Variants in COL25A1 observed in about 807,000 individuals in gnomAD.
COL25A1 encodes collagen type XXV alpha 1 chain.
COL25A1 carries 103 observed loss-of-function variants against 128.4 expected under a neutral mutation model. That is an observed-to-expected ratio of 0.80 (90% confidence interval 0.68 to 0.94). The LOEUF (loss-of-function observed/expected upper bound fraction) is 0.94, where lower values mean the gene tolerates loss of function less well. Ranked by LOEUF, COL25A1 falls within the 40% of genes least tolerant of loss-of-function variation. The pLI is 0.00. For synonymous variants in COL25A1, 279 were observed against 277.2 expected, an observed-to-expected ratio of 1.01 and a Z score of -0.06; for missense variants, 745 against 840.0, an observed-to-expected ratio of 0.89 and a Z score of 1.40.
At chr4:109,074,906 T>C (rs1763261545) in intron 3 of COL25A1, among the ~76,000 whole-genome samples, 2 of 152,120 alleles carry the variant, frequency 1.3e-5, no homozygotes, top group South Asian at 4.1e-4. Flanking sequence ...GACTTAAGAA[T>C]TGGTAACATA....
chr4:109,085,915 G>C (rs1263032534), intron 3 of COL25A1, among the ~76,000 whole-genome samples: 3 of 152,186 alleles, frequency 2.0e-5, no homozygotes, highest in Admixed American at 2.0e-4. Flanking sequence ...ATAAGGATGA[G>C]GTAGAAGTTA....
At chr4:109,240,481 T>C (rs1363491501) in intron 3 of COL25A1, among the ~76,000 whole-genome samples, 2 of 152,066 alleles carry the variant, frequency 1.3e-5, no homozygotes, top group African/African-American at 4.8e-5. Context: ...AGGAACATAC[T>C]TCTCATTAAT....
In COL25A1 at chr4:108,848,093, T is replaced by C. The variant is rs539800098; in HGVS notation, c.1434+666A>G. 1.3e-3 allele frequency among the ~76,000 whole-genome samples: 192 copies of C among 152,298 alleles called. 1 individual carries two copies. The highest frequency in any genetic ancestry group is 2.4e-3 in the Non-Finnish European group (162 of 68,018). On this transcript the variant is annotated intron_variant, in intron 27 of 37. Transcript: ENST00000399132. Reference sequence around the variant, plus strand: ...TCACAGGCCAAATTCATCCCAGGGATTGTTTTTGTACAGAGTGAATTTAAA... The same window carrying C: ...TCACAGGCCAAATTCATCCCAGGGACTGTTTTTGTACAGAGTGAATTTAAA...
intron 5 of COL25A1, among the ~76,000 whole-genome samples, chr4:109,031,661 C>T (rs794140): frequency 0.49 from 75,177 of 151,880 alleles, 20,424 homozygotes; most frequent in African/African-American, 0.71. Flanking sequence ...AAGAAAATGA[C>T]ATCTCATTTT....
intron 21 of COL25A1, among the ~76,000 whole-genome samples, chr4:108,863,057 A>G (rs1241995334): frequency 6.6e-6 from 1 of 152,236 alleles, no homozygotes; most frequent in African/African-American, 2.4e-5. Context: ...GTTTTAATAC[A>G]CATTGAGTGA....
chr4:108,914,363 A>T (rs942583389), intron 13 of COL25A1, among the ~76,000 whole-genome samples: 1 of 152,190 alleles, frequency 6.6e-6, no homozygotes, highest in Non-Finnish European at 1.5e-5. Context: ...GAAAGAGCAC[A>T]GAGTGTTCTG....
intron 24 of COL25A1, 107 bp downstream of exon 24, chr4:108,859,549 G>T: frequency 1.3e-6 from 1 of 784,886 alleles, no homozygotes; most frequent in East Asian, 2.8e-5. Context: ...CTTGAGCAGT[G>T]GAGTCCTCTG....
rs72670386 is a variant in COL25A1, at chr4:109,182,523, A to G, written c.367+118060T>C. On this transcript the variant is annotated intron_variant, in intron 3 of 37. Transcript: ENST00000399132. The stretch of plus-strand genomic sequence containing the variant: ...TAAAAATATGTAAGTGTTTAAAAGT[A>G]TAACATTTAGTAAACATGGTAAAGG... 7.0e-3 allele frequency among the ~76,000 whole-genome samples: 1,073 copies of G among 152,264 alleles called. 2 individuals are homozygous for G. The highest frequency in any genetic ancestry group is 0.012 in the Non-Finnish European group (832 of 67,980).
chr4:109,284,557 A>G (rs185123777), intron 3 of COL25A1, among the ~76,000 whole-genome samples: 1 of 152,314 alleles, frequency 6.6e-6, no homozygotes, highest in East Asian at 1.9e-4. Flanking sequence ...TCATAAATAG[A>G]TTATTGGCAA....
rs1376745333 is a variant in COL25A1, at chr4:108,886,478, G to GTTTTTTTTTT, written c.976-2257_976-2256insAAAAAAAAAA. 1.6e-3 allele frequency among the ~76,000 whole-genome samples: 202 copies of GTTTTTTTTTT among 125,370 alleles called. 9 individuals are homozygous for GTTTTTTTTTT. The highest frequency in any genetic ancestry group is 5.7e-3 in the African/African-American group (182 of 31,768). 82.2% of individuals were successfully genotyped at this position (125,370 alleles called of 152,430 possible). On this transcript the variant is annotated intron_variant, in intron 18 of 37. Transcript: ENST00000399132. ...TGTGTGTGTGTGTGTGTGTGTGTGTGTGTGTGTGTGTGTGTTTAGCTCATC... is the reference window on the plus strand; with the variant it reads ...TGTGTGTGTGTGTGTGTGTGTGTGTGTTTTTTTTTTTGTGTGTGTGTGTGTTTAGCTCATC...
chr4:109,270,791 T>A (rs764088109), intron 3 of COL25A1, among the ~76,000 whole-genome samples: 1 of 152,224 alleles, frequency 6.6e-6, no homozygotes, highest in South Asian at 2.1e-4. Flanking sequence ...GTTAGGCACC[T>A]GGAAAACCTA....
At chr4:108,832,533 A>G in intron 31 of COL25A1, 100 bp from the exon 32 acceptor site, 1 of 736,636 alleles carries the variant, frequency 1.4e-6, no homozygotes, top group East Asian at 2.7e-5. Flanking sequence ...TAAGAATATC[A>G]GTAAGACAAC....
In COL25A1 at chr4:108,952,831, C is replaced by CTTTT. The variant is rs59761040; in HGVS notation, c.493-11398_493-11395dup. Reference sequence around the variant, plus strand: ...TCAGCAGCCTGTGAGAAAAACTCAACTTTTTTTTTTTTTTTTTTTTTTTTT... The same window carrying CTTTT: ...TCAGCAGCCTGTGAGAAAAACTCAACTTTTTTTTTTTTTTTTTTTTTTTTTTTTT... On this transcript the variant is annotated intron_variant, in intron 8 of 37. Coordinates refer to ENST00000399132, the MANE Select transcript of COL25A1 (RefSeq NM_198721.4). Among the ~76,000 whole-genome samples the CTTTT allele has an allele frequency of 1.3e-3, 85 of 66,970 alleles. 1 individual carries two copies. Among genetic ancestry groups the CTTTT allele is most frequent in the East Asian group, 3.2e-3 (6 of 1,894 alleles). 43.9% of individuals were successfully genotyped at this position (66,970 alleles called of 152,430 possible). A position where few individuals can be genotyped will look rare whatever the true frequency, so the allele number is the denominator to read the frequency against.
At chr4:109,057,223 T>G (rs1761526643) in intron 3 of COL25A1, among the ~76,000 whole-genome samples, 1 of 152,068 alleles carries the variant, frequency 6.6e-6, no homozygotes, top group Non-Finnish European at 1.5e-5. Flanking sequence ...TCTCATGAAA[T>G]GCACTGAGAG....
At chr4:109,188,527 T>C (rs1283988359) in intron 3 of COL25A1, among the ~76,000 whole-genome samples, 1 of 152,150 alleles carries the variant, frequency 6.6e-6, no homozygotes, top group East Asian at 1.9e-4. Context: ...TAAAAGCCTA[T>C]TAGATGTGAA....
chr4:109,247,546 T>C (rs1780353114), intron 3 of COL25A1, among the ~76,000 whole-genome samples: 1 of 152,148 alleles, frequency 6.6e-6, no homozygotes, highest in African/African-American at 2.4e-5. Flanking sequence ...TAATATTGCT[T>C]ACGTACAATG....
intron 3 of COL25A1, among the ~76,000 whole-genome samples, chr4:109,185,349 C>G (rs1467220723): frequency 6.6e-6 from 1 of 152,106 alleles, no homozygotes; most frequent in African/African-American, 2.4e-5. Context: ...GTGCTCTATG[C>G]AATAGCTGAA....
At chr4:109,036,148 C>A (rs918565050) in intron 5 of COL25A1, among the ~76,000 whole-genome samples, 1 of 151,964 alleles carries the variant, frequency 6.6e-6, no homozygotes, top group Non-Finnish European at 1.5e-5. Context: ...AGGATGGTCT[C>A]GATCTCCTGA....
intron 3 of COL25A1, among the ~76,000 whole-genome samples, chr4:109,254,087 A>AAAAAAG (rs1490310809): frequency 1.3e-5 from 2 of 150,586 alleles, no homozygotes; most frequent in Non-Finnish European, 3.0e-5. Flanking sequence ...ACTCCGTCTC[A>AAAAAAG]AGAAAAAAAA....
Sources: allele counts gnomAD v4.1 joint callset (sites outside exome capture counted in the v4.1 genomes callset), GRCh38; gene constraint gnomAD v4.1.1; transcripts MANE v1.5; gene names NCBI Gene and HGNC (gene_info 2026-07-23, HGNC 2026-07-21).